Variants in ADGRB1 observed in about 807,000 individuals in gnomAD.
The protein encoded by ADGRB1 is brain-specific angiogenesis inhibitor 1.
ADGRB1 carries 36 observed loss-of-function variants against 175.7 expected under a neutral mutation model. The observed-to-expected ratio is 0.20, with a 90% CI of 0.16 to 0.27. The LOEUF is 0.27. Among genes scored for constraint, ADGRB1 ranks in the 10% least tolerant of loss-of-function variants. The pLI, the probability that ADGRB1 is intolerant of heterozygous loss-of-function variation, is 1.00. For missense variants in ADGRB1, 1,731 were observed against 2,255.3 expected (o/e 0.77, Z 4.71); for synonymous variants, 1,054 against 979.4 (o/e 1.08, Z -1.42).
intron 22 of ADGRB1, 83 bp downstream of exon 22, chr8:142,522,793 A>T: frequency 1.5e-6 from 2 of 1,316,844 alleles, no homozygotes; most frequent in Middle Eastern, 1.9e-4. Flanking sequence ...AGGGCTGGCC[A>T]TGCCCTCCCC....
At chr8:142,541,565 C>G (rs950749771) in intron 27 of ADGRB1, among the ~76,000 whole-genome samples, 1 of 152,216 alleles carries the variant, frequency 6.6e-6, no homozygotes, top group African/African-American at 2.4e-5. Context: ...GCCGGCTGGG[C>G]TCTGCCACCA....
At chr8:142,475,725 G>C in intron 3 of ADGRB1, 90 bp downstream of exon 3, 1 of 568,272 alleles carries the variant, frequency 1.8e-6, no homozygotes, top group Non-Finnish European at 2.5e-6. Flanking sequence ...GGAGAGGAGG[G>C]GCCCGTGGGG....
intron 17 of ADGRB1, among the ~76,000 whole-genome samples, chr8:142,502,490 G>A (rs73374126): frequency 0.013 from 872 of 68,658 alleles, 58 homozygotes; most frequent in African/African-American, 0.036. Context: ...GATGATGACA[G>A]TGGTGATGAT....
chr8:142,490,885 G>A, intron 17 of ADGRB1, 70 bp downstream of exon 17: 2 of 1,525,010 alleles, frequency 1.3e-6, no homozygotes, highest in Non-Finnish European at 1.8e-6. Flanking sequence ...CCCAGTAGGG[G>A]AGGGGTGCAG....
intron 1 of ADGRB1, among the ~76,000 whole-genome samples, chr8:142,452,307 G>C (rs1003866084): frequency 1.3e-5 from 2 of 152,198 alleles, no homozygotes; most frequent in South Asian, 4.1e-4. Flanking sequence ...CGCTGCGCTG[G>C]GGGGCTCGAG....
In ADGRB1 at chr8:142,515,884, G is replaced by T. The variant is rs1587388549; in HGVS notation, c.2818-2254G>T. Among the ~76,000 whole-genome samples, 4 of 152,262 alleles carry T rather than the reference G, an allele frequency of 2.6e-5. No homozygotes were observed. The East Asian group carries it at 7.7e-4, about 29-fold the overall frequency. ...TGAGCAGAGTTTCCTGCCGGGCACG[G>T]CATCACTGTTCCCATCTTGCCCTCC... On this transcript the variant is annotated intron_variant, in intron 18 of 30. Coordinates refer to ENST00000517894, the MANE Select transcript of ADGRB1 (RefSeq NM_001702.3).
At chr8:142,456,410 GCA>G (rs936188282) in intron 1 of ADGRB1, among the ~76,000 whole-genome samples, 3 of 152,066 alleles carry the variant, frequency 2.0e-5, no homozygotes, top group Admixed American at 6.5e-5. Context: ...AAAGGAGCAT[GCA>G]CACACCCTGC....
At chr8:142,456,465 G>A (rs986985272) in intron 1 of ADGRB1, among the ~76,000 whole-genome samples, 34 of 151,994 alleles carry the variant, frequency 2.2e-4, no homozygotes, top group African/African-American at 7.7e-4. Flanking sequence ...CACATGCCAC[G>A]TGCACACTCA....
At chr8:142,540,463 G>T (rs539724099) in intron 27 of ADGRB1, among the ~76,000 whole-genome samples, 3 of 139,944 alleles carry the variant, frequency 2.1e-5, no homozygotes, top group Non-Finnish European at 3.0e-5. Flanking sequence ...GCGCCTGGTG[G>T]ATCCACATGC....
At chr8:142,453,500 A>C (rs1839483460) in intron 1 of ADGRB1, among the ~76,000 whole-genome samples, 1 of 152,172 alleles carries the variant, frequency 6.6e-6, no homozygotes, top group Non-Finnish European at 1.5e-5. Context: ...TGTCCTCTGG[A>C]AGCCTCCGGC....
At chr8:142,514,349 G>T (rs1473491980) in intron 18 of ADGRB1, among the ~76,000 whole-genome samples, 1 of 152,084 alleles carries the variant, frequency 6.6e-6, no homozygotes. Context: ...CCAGGGTGTC[G>T]GCGCAGATGC....
At chr8:142,465,841 G>A (rs1039892663) in intron 2 of ADGRB1, among the ~76,000 whole-genome samples, 8 of 152,210 alleles carry the variant, frequency 5.3e-5, no homozygotes, top group South Asian at 4.1e-4. Flanking sequence ...GGCAAGTGGC[G>A]AGTCCTGGGT....
chr8:142,519,074 C>T (rs1843614530), intron 19 of ADGRB1, among the ~76,000 whole-genome samples: 2 of 152,140 alleles, frequency 1.3e-5, no homozygotes, highest in African/African-American at 4.8e-5. Context: ...CTCCACTGTC[C>T]TGCCTGAGGG....
intron 24 of ADGRB1, among the ~76,000 whole-genome samples, chr8:142,528,585 G>A (rs1350861765): frequency 3.3e-5 from 5 of 152,170 alleles, no homozygotes; most frequent in East Asian, 1.9e-4. Flanking sequence ...CCTCAAGTGT[G>A]CCGAGTGTGG....
chr8:142,456,017 C>T (rs1236550270), intron 1 of ADGRB1, among the ~76,000 whole-genome samples: 9 of 152,134 alleles, frequency 5.9e-5, no homozygotes. Flanking sequence ...GGTGAGGCCC[C>T]AGTTCCAGCT....
At position 142,537,114 on chromosome 8, in the gene ADGRB1, C is replaced by A. The variant is rs373149006; in HGVS notation, c.3666+32C>A. ...CTCAGGGCCCGGGGACTCAGGCTGCCCTACCTGCCTCGTACCCCCGCCAAG... is the reference window on the plus strand; with the variant it reads ...CTCAGGGCCCGGGGACTCAGGCTGCACTACCTGCCTCGTACCCCCGCCAAG... On this transcript the variant is annotated intron_variant, in intron 26 of 30. Coordinates refer to ENST00000517894, the MANE Select transcript of ADGRB1 (RefSeq NM_001702.3). The surrounding 1 kb of genome is among the most constrained non-coding windows in gnomAD (Gnocchi z 4.6). 18 of 1,425,850 alleles carry A rather than the reference C, an allele frequency of 1.3e-5. No homozygotes were observed. In the African/African-American group the frequency reaches 2.6e-4, roughly 21 times the overall value. 88.3% of individuals were successfully genotyped at this position (1,425,850 alleles called of 1,614,324 possible). A position where few individuals can be genotyped will look rare whatever the true frequency, so the allele number is the denominator to read the frequency against.
At position 142,475,456 on chromosome 8, in the gene ADGRB1, C is replaced by T. The variant is rs763520140; in HGVS notation, c.785-18C>T. 1.9e-5 allele frequency: 25 copies of T among 1,287,302 alleles called. No homozygotes were observed. The African/African-American group carries it at 2.7e-4, about 14-fold the overall frequency. 79.7% of individuals were successfully genotyped at this position (1,287,302 alleles called of 1,614,324 possible). ...GCCCCTGCCCTGCCCTGATCCCCGC[C>T]CTCTGGTTTCCCCCCAGGCGGCTGG... On this transcript the variant is annotated intron_variant, in intron 2 of 30. Coordinates refer to ENST00000517894, the MANE Select transcript of ADGRB1 (RefSeq NM_001702.3).
At position 142,477,217 on chromosome 8, in the gene ADGRB1, C is replaced by T; in HGVS notation, c.1161C>T (p.Ser387=). 6.3e-7 allele frequency: 1 copy of T among 1,598,756 alleles called. No homozygotes were observed. The highest frequency in any genetic ancestry group is 8.5e-7 in the Non-Finnish European group (1 of 1,177,272). ...RTRFCVSSSY[S]TQCSGPLREQ... ...GCTTCTGCGTGTCCTCCTCCTACAG[C>T]ACGCAGTGCAGCGGACCCCTGCGCG... Residue 387 remains serine, a synonymous_variant, in exon 5 of 31, where the codon AGC becomes AGT. Coordinates refer to ENST00000517894, the MANE Select transcript of ADGRB1 (RefSeq NM_001702.3).
chr8:142,485,557 A>G (rs1238852108), intron 13 of ADGRB1, among the ~76,000 whole-genome samples: 1 of 152,186 alleles, frequency 6.6e-6, no homozygotes, highest in East Asian at 1.9e-4. Flanking sequence ...AGCACCAAGG[A>G]GGGAGAGTGT....
Sources: gnomAD v4.1 joint callset for allele counts (sites outside exome capture counted in the v4.1 genomes callset) on GRCh38, gnomAD v4.1.1 for gene constraint, Gnocchi (gnomAD v3.1) non-coding constraint, MANE v1.5 for transcripts, NCBI Gene and HGNC (gene_info 2026-07-23, HGNC 2026-07-21) for gene names.